The following HSPA12A variants were observed in gnomAD, a reference collection of about 807,000 sequenced individuals.
HSPA12A encodes heat shock protein family A (Hsp70) member 12A.
Under a neutral mutation model 69.2 loss-of-function variants are expected in HSPA12A, and 28 were observed. The observed-to-expected ratio is 0.40, with a 90% CI of 0.30 to 0.55. HSPA12A has a LOEUF of 0.55. Among genes scored for constraint, HSPA12A ranks in the 20% least tolerant of loss-of-function variants. The probability of loss-of-function intolerance (pLI) is 0.38; values close to 1 mark genes in which losing one functional copy is unlikely to be tolerated. For missense variants in HSPA12A, 686 were observed against 900.7 expected, an observed-to-expected ratio of 0.76 and a Z score of 3.05; for synonymous variants, 345 against 370.5, an observed-to-expected ratio of 0.93 and a Z score of 0.79.
At chr10:116,737,131 G>C (rs185181961) in intron 1 of HSPA12A, among the ~76,000 whole-genome samples, 63 of 152,276 alleles carry the variant, frequency 4.1e-4, no homozygotes, top group African/African-American at 1.4e-3. Context: ...GCTTTATGGG[G>C]TTAAGTAACT....
chr10:116,849,924 C>T (rs1367266014), upstream of HSPA12A: 15 of 744,978 alleles, frequency 2.0e-5, no homozygotes, highest in Non-Finnish European at 3.3e-5. Context: ...GGGATCTCCC[C>T]AGAGAAAGTG....
chr10:116,766,110 C>G (rs1554889732), intron 2 of HSPA12A, among the ~76,000 whole-genome samples: 2 of 152,212 alleles, frequency 1.3e-5, no homozygotes, highest in African/African-American at 2.4e-5. Flanking sequence ...TCTGCCCCCT[C>G]TCCTCCCTTG....
Position 116,742,443 on chromosome 10 carries a change from G to A in HSPA12A, c.27C>T (p.Ser9=). The part of the protein sequence containing the change: MADKEAGG[S]DGPRETAPTS... The stretch of plus-strand genomic sequence containing the variant: ...GCCTGCGCTCACCTCGGGGCCCGTC[G>A]CTGCCGCCGGCCTCCTTGTCCGCCA... Residue 9 remains serine (S), a synonymous_variant, in exon 1 of 12, where the codon AGC becomes AGT. Coordinates refer to ENST00000369209, the MANE Select transcript of HSPA12A (RefSeq NM_025015.3). 1.4e-6 allele frequency: 2 copies of A among 1,409,758 alleles called. No individual in the cohort carries two copies. Among genetic ancestry groups the A allele is most frequent in the African/African-American group, 1.5e-5 (1 of 66,600 alleles). The allele number at this position is 1,409,758 out of a possible 1,614,324, so 87.3% of individuals were successfully genotyped here. A position where few individuals can be genotyped will look rare whatever the true frequency, so the allele number is the denominator to read the frequency against.
intron 2 of HSPA12A, among the ~76,000 whole-genome samples, chr10:116,759,175 T>G (rs1843917895): frequency 6.6e-6 from 1 of 152,234 alleles, no homozygotes; most frequent in African/African-American, 2.4e-5. Context: ...CCAAGAAAGT[T>G]TCTGTATCCA....
intron 1 of HSPA12A, among the ~76,000 whole-genome samples, chr10:116,722,833 A>G (rs1054278860): frequency 1.3e-5 from 2 of 152,196 alleles, no homozygotes; most frequent in African/African-American, 4.8e-5. Flanking sequence ...ACTCTTCATG[A>G]GACACCATGG....
At chr10:116,698,764 G>C (rs781968194) in intron 4 of HSPA12A, 25 bp from the exon 5 acceptor site, 41 of 1,558,224 alleles carry the variant, frequency 2.6e-5, no homozygotes, top group Non-Finnish European at 3.2e-5. Flanking sequence ...AGGAACAATA[G>C]TAAGAAGATG....
At chr10:116,756,954 G>A (rs782098672) in intron 2 of HSPA12A, among the ~76,000 whole-genome samples, 2 of 152,038 alleles carry the variant, frequency 1.3e-5, no homozygotes, top group Admixed American at 6.6e-5. Context: ...CTTCTCCATG[G>A]CGTATGTAAC....
chr10:116,805,587 G>C (rs1845051540), intron 2 of HSPA12A, among the ~76,000 whole-genome samples: 1 of 152,056 alleles, frequency 6.6e-6, no homozygotes, highest in Admixed American at 6.6e-5. Flanking sequence ...TGTTGGGCGG[G>C]GGGGTACTGA....
chr10:116,795,913 G>A (rs372700889), intron 2 of HSPA12A, among the ~76,000 whole-genome samples: 2 of 151,264 alleles, frequency 1.3e-5, no homozygotes, highest in African/African-American at 2.4e-5. Context: ...TTGGGAGGCC[G>A]AGGCGGGTGG....
chr10:116,719,374 C>T (rs1850705458), intron 1 of HSPA12A, among the ~76,000 whole-genome samples: 1 of 152,208 alleles, frequency 6.6e-6, no homozygotes, highest in Non-Finnish European at 1.5e-5. Flanking sequence ...GCCACACCTG[C>T]AGCTGCCACC....
At chr10:116,755,160 G>A (rs1843805669) in intron 2 of HSPA12A, among the ~76,000 whole-genome samples, 1 of 151,978 alleles carries the variant, frequency 6.6e-6, no homozygotes. Flanking sequence ...CACCATGTTG[G>A]CCAGCTGGTC....
intron 1 of HSPA12A, among the ~76,000 whole-genome samples, chr10:116,717,947 G>A (rs1850658547): frequency 6.6e-6 from 1 of 152,140 alleles, no homozygotes; most frequent in African/African-American, 2.4e-5. Flanking sequence ...CCCCCAAGCT[G>A]TCTGCTCACC....
At chr10:116,720,018 T>C (rs80335754) in intron 1 of HSPA12A, among the ~76,000 whole-genome samples, 4,196 of 152,320 alleles carry the variant, frequency 0.028, 78 homozygotes, top group East Asian at 0.076. Flanking sequence ...TAGGAGTTTC[T>C]TCCCAGGGTG....
chr10:116,701,016 T>C lies in HSPA12A; in HGVS notation c.368A>G (p.His123Arg), dbSNP rs1554881561. Residue 123 changes from histidine (H) to arginine (R), a missense_variant, in exon 4 of 12, where the codon CAT becomes CGT. Coordinates refer to ENST00000369209, the MANE Select transcript of HSPA12A (RefSeq NM_025015.3). ...SFGYAARDFY[H>R]DLDPNEAKQW... ...CTTGGCCTCATTGGGATCCAGGTCA[T>C]GGTAAAAGTCCCTGGCGGCATACCC... 2.5e-6 allele frequency: 4 copies of C among 1,613,854 alleles called. No individual in the cohort carries two copies. The highest frequency in any genetic ancestry group is 1.1e-5 in the South Asian group (1 of 91,066).
chr10:116,822,951 C>T (rs1054642711), intron 2 of HSPA12A, among the ~76,000 whole-genome samples: 1 of 152,170 alleles, frequency 6.6e-6, no homozygotes, highest in African/African-American at 2.4e-5. Context: ...TAGCAGCAGA[C>T]GACTTAAAAA....
At chr10:116,753,122 C>T (rs781996862) in intron 2 of HSPA12A, among the ~76,000 whole-genome samples, 4 of 152,214 alleles carry the variant, frequency 2.6e-5, no homozygotes, top group Non-Finnish European at 4.4e-5. Context: ...TGGTGGTCAG[C>T]GGAGCAGGGA....
chr10:116,699,872 C>T (rs1040786107), intron 4 of HSPA12A, among the ~76,000 whole-genome samples: 5 of 152,258 alleles, frequency 3.3e-5, no homozygotes, highest in African/African-American at 9.6e-5. Context: ...AGGACAACCA[C>T]GCCGATGGGC....
chr10:116,753,851 A>G (rs1554888551), intron 2 of HSPA12A, among the ~76,000 whole-genome samples: 1 of 152,170 alleles, frequency 6.6e-6, no homozygotes, highest in Non-Finnish European at 1.5e-5. Flanking sequence ...GGATAGAGAA[A>G]GGAGCTCCTC....
intron 2 of HSPA12A, among the ~76,000 whole-genome samples, chr10:116,803,818 C>CG (rs1438694773): frequency 6.6e-5 from 10 of 152,056 alleles, no homozygotes; most frequent in Non-Finnish European, 1.3e-4. Context: ...TGCGTGACCA[C>CG]GGTTCATTCA....
Sources: allele counts gnomAD v4.1 joint callset (sites outside exome capture counted in the v4.1 genomes callset), GRCh38; gene constraint gnomAD v4.1.1; transcripts MANE v1.5; gene names NCBI Gene and HGNC (gene_info 2026-07-23, HGNC 2026-07-21).